Variants in PDE4B observed in about 807,000 individuals in gnomAD.
The protein encoded by PDE4B is phosphodiesterase 4B.
A neutral mutation model predicts 82.2 loss-of-function variants in PDE4B; 20 were observed. That is an observed-to-expected ratio of 0.24 (90% confidence interval 0.17 to 0.35). The LOEUF is 0.35. Among genes scored for constraint, PDE4B ranks in the 10% least tolerant of loss-of-function variants. The pLI, the probability that PDE4B is intolerant of heterozygous loss-of-function variation, is 1.00. For missense variants in PDE4B, 655 were observed against 907.2 expected, an observed-to-expected ratio of 0.72 and a Z score of 3.57; for synonymous variants, 320 against 318.9, an observed-to-expected ratio of 1.00 and a Z score of -0.04.
chr1:66,280,925 T>C (rs1230541988), intron 7 of PDE4B, among the ~76,000 whole-genome samples: 1 of 151,970 alleles, frequency 6.6e-6, no homozygotes, highest in Admixed American at 6.6e-5. Context: ...AAGCTGAGAG[T>C]GACTGGCACA....
intron 1 of PDE4B, among the ~76,000 whole-genome samples, chr1:65,854,752 T>C (rs1646373102): frequency 6.6e-6 from 1 of 152,052 alleles, no homozygotes; most frequent in Admixed American, 6.5e-5. Context: ...TTTCATTAAA[T>C]TTATTAAAAT....
chr1:66,350,078 A>G (rs1441100539), intron 8 of PDE4B, among the ~76,000 whole-genome samples: 2 of 151,834 alleles, frequency 1.3e-5, no homozygotes, highest in African/African-American at 4.8e-5. Context: ...ACTTCTTTCT[A>G]CCACTGAAGG....
At chr1:65,828,290 G>A (rs1646041973) in intron 1 of PDE4B, among the ~76,000 whole-genome samples, 1 of 152,128 alleles carries the variant, frequency 6.6e-6, no homozygotes, top group Non-Finnish European at 1.5e-5. Context: ...CTGTTGCCCA[G>A]GTTGGAGTGC....
intron 3 of PDE4B, among the ~76,000 whole-genome samples, chr1:66,112,120 G>C (rs1645500999): frequency 6.6e-6 from 1 of 152,082 alleles, no homozygotes; most frequent in Admixed American, 6.6e-5. Context: ...CTCCCGAGGT[G>C]CTGGGAGGAT....
At chr1:66,034,593 A>G (rs142134791) in intron 3 of PDE4B, among the ~76,000 whole-genome samples, 1 of 152,338 alleles carries the variant, frequency 6.6e-6, no homozygotes, top group Non-Finnish European at 1.5e-5. Context: ...GGGAGAAGGC[A>G]TACAGACATT....
chr1:66,076,638 A>G (rs1020145630), intron 3 of PDE4B, among the ~76,000 whole-genome samples: 3 of 152,296 alleles, frequency 2.0e-5, no homozygotes, highest in African/African-American at 4.8e-5. Context: ...CCATCTGTGT[A>G]TGAGTTCCCC....
chr1:65,856,406 C>T (rs1308255607), intron 1 of PDE4B, among the ~76,000 whole-genome samples: 3 of 152,074 alleles, frequency 2.0e-5, no homozygotes, highest in Non-Finnish European at 1.5e-5. Context: ...TTGTTCAATT[C>T]GCACTTATGA....
intron 3 of PDE4B, among the ~76,000 whole-genome samples, chr1:66,024,286 T>C (rs189519859): frequency 1.2e-3 from 187 of 152,252 alleles, no homozygotes; most frequent in African/African-American, 4.3e-3. Context: ...CTAAAAAATA[T>C]TAATCTAGCA....
chr1:66,214,792 C>T (rs59958021), intron 3 of PDE4B, among the ~76,000 whole-genome samples: 5,050 of 152,122 alleles, frequency 0.033, 161 homozygotes, highest in African/African-American at 0.084. Context: ...GGGATAAATA[C>T]CTAATGTTTA....
intron 1 of PDE4B, among the ~76,000 whole-genome samples, chr1:65,908,466 G>A (rs575127038): frequency 1.3e-5 from 2 of 152,264 alleles, no homozygotes; most frequent in South Asian, 4.1e-4. Flanking sequence ...TTGAGAAGGA[G>A]AAAGAGAAGT....
At chr1:66,139,585 T>A (rs1646127158) in intron 3 of PDE4B, among the ~76,000 whole-genome samples, 1 of 151,784 alleles carries the variant, frequency 6.6e-6, no homozygotes, top group South Asian at 2.1e-4. Context: ...ATCTGCAAAG[T>A]CTCTTTTATC....
chr1:65,809,651 A>G (rs1044614801), intron 1 of PDE4B, among the ~76,000 whole-genome samples: 2 of 152,232 alleles, frequency 1.3e-5, no homozygotes, highest in African/African-American at 2.4e-5. Context: ...TTTAGCATTC[A>G]TAGCTTGGAA....
intron 1 of PDE4B, among the ~76,000 whole-genome samples, chr1:65,837,987 C>T: frequency 6.6e-6 from 1 of 152,178 alleles, no homozygotes; most frequent in East Asian, 1.9e-4. Context: ...TATTTTAGCA[C>T]AACTCCTGTA....
intron 1 of PDE4B, among the ~76,000 whole-genome samples, chr1:65,844,362 T>C (rs1217432022): frequency 1.3e-5 from 2 of 152,178 alleles, no homozygotes; most frequent in East Asian, 3.8e-4. Flanking sequence ...ATAAAAGTAG[T>C]GCGCATGGAA....
At chr1:65,793,318 CAATGGAGAGTGT>C (rs1417890467) in intron 1 of PDE4B, 70 bp downstream of exon 1, 1 of 152,342 alleles carries the variant, frequency 6.6e-6, no homozygotes, top group African/African-American at 2.4e-5. Flanking sequence ...ACTGAAGCCT[CAATGGAGAGTGT>C]AGGGTGCTGT....
At chr1:65,898,777 A>G (rs1487544563) in intron 1 of PDE4B, among the ~76,000 whole-genome samples, 1 of 152,154 alleles carries the variant, frequency 6.6e-6, no homozygotes, top group African/African-American at 2.4e-5. Context: ...AGGAGAATGA[A>G]ACTGGAACCT....
At chr1:66,256,795 G>T (rs1278875816) in intron 4 of PDE4B, among the ~76,000 whole-genome samples, 2 of 152,164 alleles carry the variant, frequency 1.3e-5, no homozygotes, top group African/African-American at 4.8e-5. Flanking sequence ...ACTGAGGGAA[G>T]TTCACTGTTA....
intron 8 of PDE4B, among the ~76,000 whole-genome samples, chr1:66,341,470 T>C (rs756610036): frequency 4.6e-5 from 7 of 152,236 alleles, no homozygotes; most frequent in Non-Finnish European, 1.0e-4. Context: ...AGAACTAATT[T>C]AGTATGCCTG....
chr1:66,371,508 T>G (rs2050780620), intron 16 of PDE4B, among the ~76,000 whole-genome samples: 1 of 152,138 alleles, frequency 6.6e-6, no homozygotes, highest in African/African-American at 2.4e-5. Flanking sequence ...AACAGAGCCA[T>G]AAGCCTGGTA....
Sources: allele counts gnomAD v4.1 joint callset (sites outside exome capture counted in the v4.1 genomes callset), GRCh38; gene constraint gnomAD v4.1.1; transcripts MANE v1.5; gene names NCBI Gene and HGNC (gene_info 2026-07-23, HGNC 2026-07-21).